OSBPL8: variants seen among roughly 807,000 people sequenced by gnomAD.
OSBPL8 encodes oxysterol-binding protein-related protein 8.
Under a neutral mutation model 125.5 loss-of-function variants are expected in OSBPL8, and 59 were observed. That is an observed-to-expected ratio of 0.47 (90% CI 0.38 to 0.58). The LOEUF (loss-of-function observed/expected upper bound fraction) is 0.58. Among genes scored for constraint, OSBPL8 ranks in the 20% least tolerant of loss-of-function variants. OSBPL8 has a pLI of 0.00. For missense variants in OSBPL8, 758 were observed against 1,047.8 expected, an observed-to-expected ratio of 0.72 and a Z score of 3.82; for synonymous variants, 330 against 338.9, an observed-to-expected ratio of 0.97 and a Z score of 0.29.
intron 1 of OSBPL8, among the ~76,000 whole-genome samples, chr12:76,523,065 T>C (rs1445439460): frequency 6.6e-6 from 1 of 152,146 alleles, no homozygotes; most frequent in Non-Finnish European, 1.5e-5. Flanking sequence ...CCTGAACTCC[T>C]GGGATAAAGT....
chr12:76,392,244 C>T (rs1953592931), intron 10 of OSBPL8, among the ~76,000 whole-genome samples: 1 of 152,102 alleles, frequency 6.6e-6, no homozygotes, highest in Non-Finnish European at 1.5e-5. Flanking sequence ...ATATTTGAGA[C>T]TGATCTTGAA....
intron 2 of OSBPL8, among the ~76,000 whole-genome samples, chr12:76,463,410 C>T (rs1874983598): frequency 6.6e-6 from 1 of 152,106 alleles, no homozygotes; most frequent in Non-Finnish European, 1.5e-5. Context: ...CAGTTTGGGT[C>T]AAATTAAGTT....
chr12:76,378,581 C>A, intron 15 of OSBPL8, 31 bp from the exon 16 acceptor site: 2 of 1,467,480 alleles, frequency 1.4e-6, no homozygotes, highest in Non-Finnish European at 1.9e-6. Context: ...TTAAATTTCA[C>A]AAAACTTATT....
At chr12:76,464,408 T>C (rs1319386383) in intron 2 of OSBPL8, among the ~76,000 whole-genome samples, 1 of 152,184 alleles carries the variant, frequency 6.6e-6, no homozygotes, top group Non-Finnish European at 1.5e-5. Context: ...GATATATCAG[T>C]AATAAAAGTT....
At chr12:76,407,665 T>C (rs1316214777) in intron 5 of OSBPL8, among the ~76,000 whole-genome samples, 2 of 152,234 alleles carry the variant, frequency 1.3e-5, no homozygotes, top group African/African-American at 2.4e-5. Context: ...TGGAAAATAA[T>C]ATGATGAGTA....
chr12:76,378,997 G>GACCTTGGGTGATCTGCCC (rs1034088078), intron 15 of OSBPL8, among the ~76,000 whole-genome samples: 5 of 152,044 alleles, frequency 3.3e-5, no homozygotes, highest in South Asian at 2.1e-4. Context: ...TTTAACTCCT[G>GACCTTGGGTGATCTGCCC]ACCTTGGGTG....
rs192869746 is a variant in OSBPL8 at position 76,428,028 on chromosome 12, T to C, written c.218-17394A>G. ...CTATGTTTTGGGTAGTGATATAAAATGTATTTCTTACAAGAGACCATGGTC... is the reference window on the plus strand; with the variant it reads ...CTATGTTTTGGGTAGTGATATAAAACGTATTTCTTACAAGAGACCATGGTC... On this transcript the variant is annotated intron_variant, in intron 4 of 23. Coordinates refer to ENST00000261183, the MANE Select transcript of OSBPL8 (RefSeq NM_020841.5). Among the ~76,000 whole-genome samples, 23 of 152,202 alleles carry C rather than the reference T, an allele frequency of 1.5e-4. No individual in the cohort carries two copies. In the East Asian group the frequency reaches 4.4e-3, roughly 29 times the overall value.
At chr12:76,380,887 T>C (rs771709748) in intron 15 of OSBPL8, among the ~76,000 whole-genome samples, 4 of 152,218 alleles carry the variant, frequency 2.6e-5, no homozygotes, top group East Asian at 1.9e-4. Flanking sequence ...ATATTTTTCA[T>C]AGATGCCTTT....
At position 76,399,075 on chromosome 12, in the gene OSBPL8, G is replaced by C. The variant is rs148984040; in HGVS notation, c.468+798C>G. Among the ~76,000 whole-genome samples the C allele has an allele frequency of 4.6e-5, 7 of 152,312 alleles. No individual in the cohort carries two copies. In the Middle Eastern group the frequency reaches 0.01, roughly 222 times the overall value. ...AAGTAGAGTCAAAACAAGTTGGAAG[G>C]TGTTATTAGCACAAGATCGAAAACC... On this transcript the variant is annotated intron_variant, in intron 7 of 23. Transcript: ENST00000261183.
rs1439177654 is a variant in OSBPL8 at position 76,355,876 on chromosome 12, T to C, written c.*13A>G. On this transcript the variant is annotated 3_prime_UTR_variant, in exon 24 of 24. Transcript: ENST00000261183. The stretch of plus-strand genomic sequence containing the variant: ...AGATCTTTCTAGTTCACTGATTCAA[T>C]GGTAGAGAACTTCTACTTGAACATG... The C allele has an allele frequency of 2.5e-6, 4 of 1,611,822 alleles. No homozygotes were observed. Among genetic ancestry groups the C allele is most frequent in the Non-Finnish European group, 3.4e-6 (4 of 1,178,902 alleles).
intron 1 of OSBPL8, among the ~76,000 whole-genome samples, chr12:76,532,157 C>G (rs1950358789): frequency 1.3e-5 from 2 of 150,786 alleles, no homozygotes; most frequent in African/African-American, 4.9e-5. Context: ...GCACTATATT[C>G]TCTAAGAAGA....
intron 1 of OSBPL8, among the ~76,000 whole-genome samples, chr12:76,491,766 A>C (rs1878739748): frequency 6.6e-6 from 1 of 152,262 alleles, no homozygotes; most frequent in South Asian, 2.1e-4. Context: ...ATAAGAATCC[A>C]AAACAGCAGA....
chr12:76,513,641 G>A (rs1380665135), intron 1 of OSBPL8, among the ~76,000 whole-genome samples: 1 of 150,712 alleles, frequency 6.6e-6, no homozygotes, highest in Non-Finnish European at 1.5e-5. Context: ...GGATAGTTAG[G>A]TCTTGCTCGA....
intron 1 of OSBPL8, among the ~76,000 whole-genome samples, chr12:76,535,671 GA>G (rs1248123521): frequency 2.6e-5 from 4 of 152,184 alleles, no homozygotes; most frequent in Admixed American, 2.6e-4. Context: ...AAACAAATTG[GA>G]TATTCATTAC....
intron 2 of OSBPL8, among the ~76,000 whole-genome samples, chr12:76,465,663 G>A (rs1046603906): frequency 4.6e-5 from 7 of 152,002 alleles, no homozygotes; most frequent in African/African-American, 7.3e-5. Context: ...TTCAAACAGG[G>A]TAATAAAATA....
chr12:76,430,710 A>T lies in OSBPL8; in HGVS notation c.218-20076T>A, dbSNP rs138199335. On this transcript the variant is annotated intron_variant, in intron 4 of 23. Transcript: ENST00000261183. ...CAATGGAAACCTTGCAGGCCAGAAG[A>T]CAGTAGAATGATATATTCAATGTAC... Among the ~76,000 whole-genome samples, 2 of 152,312 alleles carry T rather than the reference A, an allele frequency of 1.3e-5. 1 individual carries two copies. Among genetic ancestry groups the T allele is most frequent in the African/African-American group, 4.8e-5 (2 of 41,576 alleles).
chr12:76,384,263 T>TA lies in OSBPL8; in HGVS notation c.1620dup (p.Lys541Ter). 2 of 1,523,938 alleles carry TA rather than the reference T, an allele frequency of 1.3e-6. No homozygotes were observed. Among genetic ancestry groups the TA allele is most frequent in the Admixed American group, 1.7e-5 (1 of 57,664 alleles). 94.4% of individuals were successfully genotyped at this position (1,523,938 alleles called of 1,614,324 possible). ...GGACGGGAAAACTCACCATAAAACTTAGACTTAGCCAGGATACTACCGCTA... is the reference window on the plus strand; with the variant it reads ...GGACGGGAAAACTCACCATAAAACTTAAGACTTAGCCAGGATACTACCGCTA... On this transcript the variant is annotated frameshift_variant, in exon 15 of 24. Coordinates refer to ENST00000261183, the MANE Select transcript of OSBPL8 (RefSeq NM_020841.5). LOFTEE classifies it high-confidence loss of function.
chr12:76,371,848 TA>T (rs752351650), intron 18 of OSBPL8: 18 of 247,158 alleles, frequency 7.3e-5, no homozygotes, highest in East Asian at 3.4e-4. Context: ...TTTTACTTAA[TA>T]AATTTCAAAC....
chr12:76,523,643 T>C (rs1434712829), intron 1 of OSBPL8, among the ~76,000 whole-genome samples: 7 of 152,152 alleles, frequency 4.6e-5, no homozygotes, highest in Admixed American at 3.9e-4. Context: ...GCTTCCCCTC[T>C]GTTTCCACCA....
Sources: allele counts gnomAD v4.1 joint callset (sites outside exome capture counted in the v4.1 genomes callset), GRCh38; gene constraint gnomAD v4.1.1; transcripts MANE v1.5; gene names NCBI Gene and HGNC (gene_info 2026-07-23, HGNC 2026-07-21).